The following MTUS2 variants were observed in gnomAD, a reference collection of about 807,000 sequenced individuals.
MTUS2 encodes the protein microtubule associated scaffold protein 2.
In MTUS2, 40 loss-of-function variants were observed where a neutral mutation model predicts 114.1. The observed-to-expected ratio is 0.35, with a 90% confidence interval of 0.27 to 0.46. MTUS2 has a LOEUF of 0.46. Ranked by LOEUF, MTUS2 falls within the 20% of genes least tolerant of loss-of-function variation. The probability of loss-of-function intolerance (pLI) is 1.00; values close to 1 mark genes in which losing one functional copy is unlikely to be tolerated. For missense variants in MTUS2, 1,679 were observed against 1,705.4 expected, an observed-to-expected ratio of 0.98 and a Z score of 0.27; for synonymous variants, 688 against 672.0, an observed-to-expected ratio of 1.02 and a Z score of -0.37.
chr13:29,266,678 A>G (rs1897678683), intron 5 of MTUS2, among the ~76,000 whole-genome samples: 1 of 152,270 alleles, frequency 6.6e-6, no homozygotes, highest in Non-Finnish European at 1.5e-5. Flanking sequence ...CACTGTGACT[A>G]CATTCCCAGG....
intron 4 of MTUS2, among the ~76,000 whole-genome samples, chr13:29,040,432 T>G (rs533121563): frequency 6.6e-6 from 1 of 152,328 alleles, no homozygotes; most frequent in South Asian, 2.1e-4. Flanking sequence ...TAAACGTGTG[T>G]GCAAGTATCT....
intron 2 of MTUS2, among the ~76,000 whole-genome samples, chr13:28,995,405 A>C (rs1002635695): frequency 6.6e-6 from 1 of 152,122 alleles, no homozygotes; most frequent in Non-Finnish European, 1.5e-5. Context: ...TTCCATATGA[A>C]CTTTAAAGTA....
At chr13:29,248,719 CAT>C (rs1211232302) in intron 5 of MTUS2, among the ~76,000 whole-genome samples, 3 of 152,164 alleles carry the variant, frequency 2.0e-5, no homozygotes, top group African/African-American at 4.8e-5. Context: ...TGAGTGAGAA[CAT>C]GTGGTGTTTG....
At chr13:29,153,025 G>T (rs1172241450) in intron 5 of MTUS2, among the ~76,000 whole-genome samples, 1 of 152,320 alleles carries the variant, frequency 6.6e-6, no homozygotes, top group African/African-American at 2.4e-5. Context: ...AGGAGATCCT[G>T]TGACCCTGGA....
At chr13:29,260,768 G>C (rs1445682585) in intron 5 of MTUS2, among the ~76,000 whole-genome samples, 5 of 152,156 alleles carry the variant, frequency 3.3e-5, no homozygotes, top group Non-Finnish European at 5.9e-5. Context: ...CTAGAGCAGT[G>C]GTTCTTAATC....
intron 5 of MTUS2, among the ~76,000 whole-genome samples, chr13:29,112,793 T>C (rs1890932031): frequency 6.6e-6 from 1 of 152,158 alleles, no homozygotes; most frequent in South Asian, 2.1e-4. Flanking sequence ...GGATGAGTGC[T>C]GAGAAATTTT....
chr13:28,941,758 T>C (rs1882252206), intron 2 of MTUS2, among the ~76,000 whole-genome samples: 1 of 151,772 alleles, frequency 6.6e-6, no homozygotes, highest in Non-Finnish European at 1.5e-5. Context: ...TTTCTTAAGC[T>C]TACCTGCAAA....
intron 5 of MTUS2, among the ~76,000 whole-genome samples, chr13:29,276,122 T>C (rs1487190618): frequency 6.6e-6 from 1 of 152,208 alleles, no homozygotes; most frequent in African/African-American, 2.4e-5. Context: ...TAGATGCAGT[T>C]GATCAGCTCA....
chr13:29,390,126 CAT>C (rs537879012), intron 8 of MTUS2, among the ~76,000 whole-genome samples: 13 of 143,510 alleles, frequency 9.1e-5, no homozygotes, highest in African/African-American at 2.9e-4. Flanking sequence ...CACACACAAA[CAT>C]ATATACTGAC....
chr13:29,380,499 T>G (rs192458439), intron 8 of MTUS2, among the ~76,000 whole-genome samples: 97 of 152,334 alleles, frequency 6.4e-4, no homozygotes, highest in Non-Finnish European at 1.1e-3. Flanking sequence ...GCATAACCAG[T>G]GAGTCGTGAT....
At chr13:29,493,473 C>T (rs1007554132) in intron 12 of MTUS2, among the ~76,000 whole-genome samples, 1 of 152,170 alleles carries the variant, frequency 6.6e-6, no homozygotes, top group Non-Finnish European at 1.5e-5. Flanking sequence ...GTTAGGCACA[C>T]TCTCATCTGG....
intron 5 of MTUS2, among the ~76,000 whole-genome samples, chr13:29,171,240 A>T (rs1893548854): frequency 6.6e-6 from 1 of 152,132 alleles, no homozygotes; most frequent in Admixed American, 6.6e-5. Context: ...TTTTTTGTTC[A>T]GGTTCTAGTG....
At chr13:29,408,869 G>T (rs1027343424) in intron 8 of MTUS2, among the ~76,000 whole-genome samples, 1 of 152,100 alleles carries the variant, frequency 6.6e-6, no homozygotes, top group African/African-American at 2.4e-5. Flanking sequence ...ACACCACAGG[G>T]TTTGTTCTAG....
intron 2 of MTUS2, among the ~76,000 whole-genome samples, chr13:28,924,496 C>T (rs985156367): frequency 3.9e-5 from 6 of 152,136 alleles, no homozygotes; most frequent in Non-Finnish European, 8.8e-5. Context: ...AGGTCAAAGT[C>T]CCAATAGGCT....
At chr13:28,957,732 G>A (rs2138199517) in intron 2 of MTUS2, among the ~76,000 whole-genome samples, 1 of 152,334 alleles carries the variant, frequency 6.6e-6, no homozygotes, top group Middle Eastern at 3.4e-3. Context: ...GGAGATGGCT[G>A]TATTCAGGTA....
chr13:28,835,261 A>G (rs1266203810), intron 1 of MTUS2, among the ~76,000 whole-genome samples: 1 of 152,248 alleles, frequency 6.6e-6, no homozygotes, highest in Non-Finnish European at 1.5e-5. Flanking sequence ...CCAAATGTCC[A>G]TTAACTGATT....
intron 5 of MTUS2, among the ~76,000 whole-genome samples, chr13:29,220,539 G>C (rs896505488): frequency 3.3e-5 from 5 of 152,140 alleles, no homozygotes; most frequent in African/African-American, 1.2e-4. Flanking sequence ...TTGTGCCTTG[G>C]GGAATAGGGA....
chr13:28,822,432 G>A (rs1873967886), intron 1 of MTUS2, among the ~76,000 whole-genome samples: 1 of 152,220 alleles, frequency 6.6e-6, no homozygotes, highest in Admixed American at 6.5e-5. Flanking sequence ...AGGGATGGTG[G>A]TTTGTGAAAG....
intron 2 of MTUS2, among the ~76,000 whole-genome samples, chr13:28,954,149 G>A (rs1882950614): frequency 6.6e-6 from 1 of 152,156 alleles, no homozygotes; most frequent in African/African-American, 2.4e-5. Flanking sequence ...AATTTGCAGA[G>A]TGTGTTCATT....
Sources: allele counts gnomAD v4.1 joint callset (sites outside exome capture counted in the v4.1 genomes callset), GRCh38; gene constraint gnomAD v4.1.1; transcripts MANE v1.5; gene names NCBI Gene and HGNC (gene_info 2026-07-23, HGNC 2026-07-21).